The following LGI2 variants were observed in gnomAD, a reference collection of about 807,000 sequenced individuals.
The protein encoded by LGI2 is leucine rich repeat LGI family member 2.
A neutral mutation model predicts 52.0 loss-of-function variants in LGI2; 30 were observed. The observed-to-expected ratio is 0.58, with a 90% CI of 0.43 to 0.78. The LOEUF is 0.78. Ranked by LOEUF, LGI2 falls within the 30% of genes least tolerant of loss-of-function variation. LGI2 has a pLI of 0.00. For missense variants in LGI2, 573 were observed against 692.5 expected (o/e 0.83, Z 1.94); for synonymous variants, 270 against 271.8 (o/e 0.99, Z 0.06).
At chr4:25,017,499 G>A (rs770939167) in intron 6 of LGI2, among the ~76,000 whole-genome samples, 8 of 125,384 alleles carry the variant, frequency 6.4e-5, no homozygotes, top group Admixed American at 2.0e-4. Context: ...TTGAGATCAC[G>A]CCACTACACT....
intron 7 of LGI2, among the ~76,000 whole-genome samples, chr4:25,010,075 T>G (rs1232353648): frequency 6.7e-6 from 1 of 150,140 alleles, no homozygotes; most frequent in Non-Finnish European, 1.5e-5. Context: ...AGGGCAGGAG[T>G]TCAAGACCAG....
In LGI2 at chr4:24,999,570, A is replaced by T. The variant is rs1020126246; in HGVS notation, c.*3881T>A. The T allele has an allele frequency of 8.1e-6, 2 of 246,880 alleles. No individual in the cohort carries two copies. Among genetic ancestry groups the T allele is most frequent in the Admixed American group, 1.1e-4 (2 of 18,798 alleles). 15.3% of individuals were successfully genotyped at this position (246,880 alleles called of 1,614,324 possible). A position where few individuals can be genotyped will look rare whatever the true frequency, so the allele number is the denominator to read the frequency against. ...ACTTCCTTCCGCAGCTGCGAAGGAGAGGCTGATACCTCTGCAGAAGAATCA... is the reference window on the plus strand; with the variant it reads ...ACTTCCTTCCGCAGCTGCGAAGGAGTGGCTGATACCTCTGCAGAAGAATCA... On this transcript the variant is annotated 3_prime_UTR_variant, in exon 8 of 8. Coordinates refer to ENST00000382114, the MANE Select transcript of LGI2 (RefSeq NM_018176.4).
intron 6 of LGI2, among the ~76,000 whole-genome samples, chr4:25,017,322 T>C (rs1172184862): frequency 6.6e-6 from 1 of 151,992 alleles, no homozygotes; most frequent in Non-Finnish European, 1.5e-5. Context: ...GGTGGGCGGA[T>C]GATGAGATCA....
intron 3 of LGI2, 25 bp from the exon 4 acceptor site, chr4:25,024,916 A>G (rs1280253530): frequency 5.9e-6 from 9 of 1,522,708 alleles, no homozygotes; most frequent in Non-Finnish European, 8.0e-6. Context: ...TGTATAATTA[A>G]AATGAATTTT....
rs193207963 is a variant in LGI2, at chr4:25,023,549, C to G, written c.413+1271G>C. ...AAGTGTTTGCTTGGCCTATTGACAACCCCCTTTGCCAATATCGGGGCTTGA... is the reference window on the plus strand; with the variant it reads ...AAGTGTTTGCTTGGCCTATTGACAAGCCCCTTTGCCAATATCGGGGCTTGA... On this transcript the variant is annotated intron_variant, in intron 4 of 7. Coordinates refer to ENST00000382114, the MANE Select transcript of LGI2 (RefSeq NM_018176.4). 6.4e-4 allele frequency among the ~76,000 whole-genome samples: 97 copies of G among 152,318 alleles called. 1 individual carries two copies. Among genetic ancestry groups the G allele is most frequent in the African/African-American group, 2.2e-3 (90 of 41,562 alleles).
intron 7 of LGI2, among the ~76,000 whole-genome samples, chr4:25,010,105 C>G (rs1040124008): frequency 6.6e-6 from 1 of 151,978 alleles, no homozygotes. Flanking sequence ...CATAGTGAAA[C>G]CCCGTCTCTA....
chr4:25,019,692 GT>G (rs1230998374), intron 4 of LGI2, among the ~76,000 whole-genome samples: 1 of 152,066 alleles, frequency 6.6e-6, no homozygotes, highest in Non-Finnish European at 1.5e-5. Flanking sequence ...TCTGAACTTG[GT>G]CATCTGCCTG....
chr4:25,008,180 G>A (rs1725454761), intron 7 of LGI2, among the ~76,000 whole-genome samples: 1 of 152,156 alleles, frequency 6.6e-6, no homozygotes, highest in African/African-American at 2.4e-5. Flanking sequence ...GCAAGTTGTG[G>A]AGCAGTTTTA....
intron 2 of LGI2, among the ~76,000 whole-genome samples, chr4:25,028,046 C>G (rs1023991767): frequency 6.6e-6 from 1 of 152,152 alleles, no homozygotes; most frequent in Non-Finnish European, 1.5e-5. Context: ...TTCATCATAC[C>G]GATGAAGTGA....
In LGI2 at chr4:25,003,447, A is replaced by T; in HGVS notation, c.*4T>A. ...CATTTCTCTTAGTTTCACCCACCAC[A>T]CCTTCACAAACTTAAGTCAACAATT... On this transcript the variant is annotated 3_prime_UTR_variant, in exon 8 of 8. Transcript: ENST00000382114. 6.4e-7 allele frequency: 1 copy of T among 1,561,428 alleles called. No individual in the cohort carries two copies. Among genetic ancestry groups the T allele is most frequent in the Non-Finnish European group, 8.7e-7 (1 of 1,155,670 alleles).
downstream of LGI2, among the ~76,000 whole-genome samples, chr4:24,996,067 T>A (rs1725067095): frequency 6.6e-6 from 1 of 152,188 alleles, no homozygotes; most frequent in South Asian, 2.1e-4. Flanking sequence ...GAGGCAGCGT[T>A]TGGATGGTTA....
chr4:25,003,923 A>G lies in LGI2; in HGVS notation c.1166T>C (p.Leu389Pro), dbSNP rs1725324198. The G allele has an allele frequency of 6.2e-7, 1 of 1,614,212 alleles. No homozygotes were observed. Among genetic ancestry groups the G allele is most frequent in the Non-Finnish European group, 8.5e-7 (1 of 1,180,038 alleles). ...VDIDGKSHLI[L>P]SSRSQVPIIL... ...GATGGGGACCTGGGAGCGGCTGGAC[A>G]GGATGAGATGCGATTTTCCATCGAT... The change falls in exon 8 of 8, where the codon CTG becomes CCG. Residue 389 changes from leucine (L) to proline (P), a missense_variant. Transcript: ENST00000382114.
chr4:25,020,455 G>A (rs772921192), intron 4 of LGI2, among the ~76,000 whole-genome samples: 1 of 152,190 alleles, frequency 6.6e-6, no homozygotes, highest in Non-Finnish European at 1.5e-5. Flanking sequence ...TGTACACTGA[G>A]TTTGTGATTT....
Position 25,002,026 on chromosome 4 carries a change from C to T in LGI2, c.*1425G>A, listed in dbSNP as rs201028965. 2.6e-5 allele frequency: 4 copies of T among 152,352 alleles called. No individual in the cohort carries two copies. In the East Asian group the frequency reaches 7.7e-4, roughly 29 times the overall value. 9.4% of individuals were successfully genotyped at this position (152,352 alleles called of 1,614,324 possible). A position where few individuals can be genotyped will look rare whatever the true frequency, so the allele number is the denominator to read the frequency against. Reference sequence around the variant, plus strand: ...AGAACCAGCTAACCAGGCGGAACATCCACTAAGAATCTTCCACATAACCAG... The same window carrying T: ...AGAACCAGCTAACCAGGCGGAACATTCACTAAGAATCTTCCACATAACCAG... On this transcript the variant is annotated 3_prime_UTR_variant, in exon 8 of 8. Transcript: ENST00000382114.
intron 5 of LGI2, among the ~76,000 whole-genome samples, chr4:25,018,545 G>T (rs1355098852): frequency 6.6e-6 from 1 of 152,164 alleles, no homozygotes; most frequent in Non-Finnish European, 1.5e-5. Flanking sequence ...AAACACAATT[G>T]AAACTTCAAG....
chr4:25,011,077 G>A (rs1398651628), intron 7 of LGI2, among the ~76,000 whole-genome samples: 5 of 138,156 alleles, frequency 3.6e-5, no homozygotes, highest in Non-Finnish European at 6.2e-5. Context: ...GTAAGAGCCT[G>A]TCTCAAAAAA....
rs764921154 is a variant in LGI2 at position 25,024,927 on chromosome 4, C to G, written c.342-36G>C. 2.1e-6 allele frequency: 3 copies of G among 1,424,750 alleles called. No individual in the cohort carries two copies. The South Asian group carries it at 3.8e-5, about 18-fold the overall frequency. 88.3% of individuals were successfully genotyped at this position (1,424,750 alleles called of 1,614,324 possible). A position where few individuals can be genotyped will look rare whatever the true frequency, so the allele number is the denominator to read the frequency against. ...AAGTTGTATAATTAAAATGAATTTT[C>G]TCTCCTTAGTATCCCAAAAAAACTA... On this transcript the variant is annotated intron_variant, in intron 3 of 7. Coordinates refer to ENST00000382114, the MANE Select transcript of LGI2 (RefSeq NM_018176.4).
intron 6 of LGI2, among the ~76,000 whole-genome samples, chr4:25,014,830 C>CAAAAAA (rs60168915): frequency 1.2e-5 from 1 of 85,802 alleles, no homozygotes; most frequent in Non-Finnish European, 2.2e-5. Flanking sequence ...GACCTTGTCT[C>CAAAAAA]AAAAAAAAAA....
intron 6 of LGI2, among the ~76,000 whole-genome samples, chr4:25,015,940 G>A (rs1725743626): frequency 6.6e-6 from 1 of 152,136 alleles, no homozygotes; most frequent in African/African-American, 2.4e-5. Flanking sequence ...TAAAACCATA[G>A]CACAAAGCCA....
Sources: allele counts gnomAD v4.1 joint callset (sites outside exome capture counted in the v4.1 genomes callset), GRCh38; gene constraint gnomAD v4.1.1; transcripts MANE v1.5; gene names NCBI Gene and HGNC (gene_info 2026-07-23, HGNC 2026-07-21).